The following TUSC3 variants were observed in gnomAD, a reference collection of about 807,000 sequenced individuals.
The protein encoded by TUSC3 is dolichyl-diphosphooligosaccharide--protein glycosyltransferase subunit TUSC3.
Under a neutral mutation model 44.8 loss-of-function variants are expected in TUSC3, and 45 were observed. The observed-to-expected ratio is 1.00, with a 90% CI of 0.79 to 1.29. The LOEUF (loss-of-function observed/expected upper bound fraction) is 1.29. Ranked by LOEUF, TUSC3 falls within the 50% of genes most tolerant of loss-of-function variation. The pLI is 0.00. For synonymous variants in TUSC3, 212 were observed against 152.9 expected (o/e 1.39, Z -2.85); for missense variants, 519 against 437.9 (o/e 1.19, Z -1.65).
At chr8:15,500,347 C>G (rs557532572) in intron 2 of TUSC3, among the ~76,000 whole-genome samples, 54 of 152,272 alleles carry the variant, frequency 3.5e-4, no homozygotes, top group African/African-American at 1.3e-3. Flanking sequence ...TTTTATGTTA[C>G]TTGTTTTCAA....
intron 1 of TUSC3, among the ~76,000 whole-genome samples, chr8:15,464,564 A>T (rs1246643922): frequency 6.6e-6 from 1 of 152,226 alleles, no homozygotes; most frequent in East Asian, 1.9e-4. Context: ...TTCAATATTT[A>T]GATATGTTGT....
In TUSC3 at chr8:15,454,493, A is replaced by G. The variant is rs77934890; in HGVS notation, n.92-28893A>G. On this transcript the variant is annotated intron_variant and non_coding_transcript_variant, in intron 1 of 5. Transcript: ENST00000503191. ...AGATTTGATTTAGCTAAAGGAATCT[A>G]TTTTGCTTTGCCAGGGTTTCTGTCA... 7.0e-3 allele frequency among the ~76,000 whole-genome samples: 1,061 copies of G among 152,268 alleles called. 9 individuals carry two copies. The highest frequency in any genetic ancestry group is 0.024 in the African/African-American group (987 of 41,556).
intron 2 of TUSC3, among the ~76,000 whole-genome samples, chr8:15,626,774 G>T (rs1374984311): frequency 1.3e-5 from 2 of 152,214 alleles, no homozygotes; most frequent in African/African-American, 4.8e-5. Context: ...CCAGCCCCCT[G>T]CTGCCTCAGT....
At chr8:15,607,691 A>T (rs1804591596) in intron 1 of TUSC3, among the ~76,000 whole-genome samples, 1 of 152,170 alleles carries the variant, frequency 6.6e-6, no homozygotes, top group South Asian at 2.1e-4. Context: ...ATCAGCAATC[A>T]TTCTGTCTTT....
intron 1 of TUSC3, among the ~76,000 whole-genome samples, chr8:15,481,063 C>T (rs1301419476): frequency 2.0e-5 from 3 of 151,946 alleles, no homozygotes; most frequent in African/African-American, 7.3e-5. Context: ...GCCTGACCAA[C>T]GTGGAGAAAC....
Position 15,506,769 on chromosome 8 carries a change from A to G in TUSC3, n.189+23286A>G, listed in dbSNP as rs544712545. Among the ~76,000 whole-genome samples the G allele has an allele frequency of 2.0e-5, 3 of 152,288 alleles. No individual in the cohort carries two copies. The South Asian group carries it at 6.2e-4, about 32-fold the overall frequency. On this transcript the variant is annotated intron_variant and non_coding_transcript_variant, in intron 2 of 5. Coordinates refer to the TUSC3 transcript ENST00000503191. ...GTCCCTCCCACAACACGTGAGGATT[A>G]TAGGAGCTACATTTCAAGATGAGAT...
intron 5 of TUSC3, among the ~76,000 whole-genome samples, chr8:15,662,610 G>A (rs1479077329): frequency 6.6e-6 from 1 of 151,828 alleles, no homozygotes; most frequent in Non-Finnish European, 1.5e-5. Flanking sequence ...CAAATGGTTT[G>A]GAAATTCAGC....
chr8:15,795,809 T>C, the TUSC3 span, among the ~76,000 whole-genome samples: 3 of 152,206 alleles, frequency 2.0e-5, no homozygotes. Context: ...GTTTGAGTAA[T>C]GCAGTCAATC....
chr8:15,594,284 A>G (rs1473443586), intron 1 of TUSC3, among the ~76,000 whole-genome samples: 2 of 151,890 alleles, frequency 1.3e-5, no homozygotes, highest in East Asian at 1.9e-4. Context: ...GCTCTTTTTT[A>G]TATCTGTATA....
At chr8:15,743,513 A>G (rs746570208) in intron 7 of TUSC3, 25 bp from the exon 8 acceptor site, 5 of 1,612,348 alleles carry the variant, frequency 3.1e-6, no homozygotes, top group Non-Finnish European at 4.2e-6. Context: ...ATCTATGTCT[A>G]CGGCTTCCTT....
chr8:15,484,235 T>C (rs1222449132), intron 2 of TUSC3, among the ~76,000 whole-genome samples: 2 of 152,222 alleles, frequency 1.3e-5, no homozygotes, highest in Non-Finnish European at 2.9e-5. Context: ...AATTGTTTTC[T>C]AAATCCTTCT....
intron 1 of TUSC3, among the ~76,000 whole-genome samples, chr8:15,443,817 C>A (rs924459020): frequency 1.3e-5 from 2 of 152,118 alleles, no homozygotes; most frequent in Admixed American, 6.5e-5. Flanking sequence ...ACTTTGCAGA[C>A]CCTGCAGTTG....
chr8:15,462,452 A>G (rs898562543), intron 1 of TUSC3, among the ~76,000 whole-genome samples: 2 of 152,102 alleles, frequency 1.3e-5, no homozygotes, highest in Non-Finnish European at 2.9e-5. Flanking sequence ...GGAATTGCCC[A>G]TGGTGGCAGA....
At chr8:15,530,354 G>A (rs73536497) in intron 2 of TUSC3, among the ~76,000 whole-genome samples, 6 of 152,114 alleles carry the variant, frequency 3.9e-5, no homozygotes, top group African/African-American at 1.4e-4. Flanking sequence ...AAGTTGATGT[G>A]TGAAATTTGG....
chr8:15,818,871 T>C, the TUSC3 span, among the ~76,000 whole-genome samples: 1 of 152,206 alleles, frequency 6.6e-6, no homozygotes, highest in Non-Finnish European at 1.5e-5. Flanking sequence ...GAAGGCTGTA[T>C]TGAAATATTT....
At chr8:15,826,081 T>G in the TUSC3 span, among the ~76,000 whole-genome samples, 2 of 152,128 alleles carry the variant, frequency 1.3e-5, no homozygotes, top group African/African-American at 2.4e-5. Flanking sequence ...TGAGGTATGT[T>G]GTGTCTGAAC....
chr8:15,622,315 A>G (rs1429684153), intron 1 of TUSC3, among the ~76,000 whole-genome samples: 1 of 148,770 alleles, frequency 6.7e-6, no homozygotes, highest in Non-Finnish European at 1.5e-5. Context: ...CTTTTTTTTT[A>G]GAGACAGTGT....
chr8:15,735,650 T>C (rs192073544), intron 7 of TUSC3, among the ~76,000 whole-genome samples: 102 of 152,330 alleles, frequency 6.7e-4, no homozygotes, highest in Non-Finnish European at 1.2e-3. Flanking sequence ...GTTGTAAATA[T>C]CTGAAAAGAT....
At chr8:15,821,686 G>T in the TUSC3 span, among the ~76,000 whole-genome samples, 13 of 151,934 alleles carry the variant, frequency 8.6e-5, no homozygotes, top group Middle Eastern at 3.4e-3. Context: ...CCTAAGCCAG[G>T]TTCCTTCTCT....
Sources: allele counts gnomAD v4.1 joint callset (sites outside exome capture counted in the v4.1 genomes callset), GRCh38; gene constraint gnomAD v4.1.1; transcripts MANE v1.5; gene names NCBI Gene and HGNC (gene_info 2026-07-23, HGNC 2026-07-21).